DYNC1H1: variants seen among roughly 807,000 people sequenced by gnomAD.
DYNC1H1 encodes the protein dynein cytoplasmic 1 heavy chain 1, also known as cytoplasmic dynein 1 heavy chain 1.
A neutral mutation model predicts 527.1 loss-of-function variants in DYNC1H1; 51 were observed. That is an observed-to-expected ratio of 0.10 (90% CI 0.08 to 0.12). The LOEUF (loss-of-function observed/expected upper bound fraction) is 0.12. Among genes scored for constraint, DYNC1H1 ranks in the 10% least tolerant of loss-of-function variants. DYNC1H1 has a pLI of 1.00. For missense variants in DYNC1H1, 2,771 were observed against 5,971.8 expected (o/e 0.46, Z 17.66); for synonymous variants, 2,189 against 2,278.8 (o/e 0.96, Z 1.12).
chr14:102,053,086 T>G lies in DYNC1H1; in HGVS notation c.*2523T>G, dbSNP rs1224961858. 1 of 152,082 alleles carries G rather than the reference T, an allele frequency of 6.6e-6. No homozygotes were observed. Among genetic ancestry groups the G allele is most frequent in the Non-Finnish European group, 1.5e-5 (1 of 68,048 alleles). 9.4% of individuals were successfully genotyped at this position (152,082 alleles called of 1,614,324 possible). A position where few individuals can be genotyped will look rare whatever the true frequency, so the allele number is the denominator to read the frequency against. ...CATGCTCGCATGCGCTGACTCTTCC[T>G]CCCGTCACTGATGCTGGTTTTTGCA... On this transcript the variant is annotated 3_prime_UTR_variant, in exon 78 of 78. Transcript: ENST00000360184.
rs1217850239 is a variant in DYNC1H1, at chr14:101,985,714, G to A, written c.1489G>A (p.Gly497Arg). The A allele has an allele frequency of 1.2e-6, 2 of 1,614,204 alleles. No homozygotes were observed. The highest frequency in any genetic ancestry group is 8.5e-7 in the Non-Finnish European group (1 of 1,180,038). ...CACGGCAGTTGCACAACAGAATCAA[G>A]GAGAGGTCCCTGAACCCCAAGATAT... is the stretch of plus-strand genomic sequence containing the variant. ...QVTAVAQQNQ[G>R]EVPEPQDMKV... Residue 497 changes from glycine to arginine, a missense_variant, in exon 8 of 78, where the codon GGA (glycine) becomes AGA (arginine). Gly to Arg is a moderately radical substitution (Grantham distance 125). Coordinates refer to ENST00000360184, the MANE Select transcript of DYNC1H1 (RefSeq NM_001376.5). The surrounding 1 kb of genome is among the most constrained non-coding windows in gnomAD (Gnocchi z 5.9).
chr14:101,965,955 A>G lies in DYNC1H1; in HGVS notation c.256+1008A>G, dbSNP rs1374067334. On this transcript the variant is annotated intron_variant, in intron 1 of 77. Coordinates refer to ENST00000360184, the MANE Select transcript of DYNC1H1 (RefSeq NM_001376.5). This position sits in a 1 kb window ranked among gnomAD's most constrained non-coding sequence, Gnocchi z 4.1. ...CTAAGTCTGGGGCTTGCCTGCAGGC[A>G]GGCTTTCTCATGGATTCATTACAAC... 6.6e-6 allele frequency among the ~76,000 whole-genome samples: 1 copy of G among 152,160 alleles called. No individual in the cohort carries two copies. Among genetic ancestry groups the G allele is most frequent in the Non-Finnish European group, 1.5e-5 (1 of 68,024 alleles).
Position 102,018,686 on chromosome 14 carries a change from TGTG to T in DYNC1H1, c.8343+76_8343+78del. 1.3e-6 allele frequency: 2 copies of T among 1,577,704 alleles called. No individual in the cohort carries two copies. Among genetic ancestry groups the T allele is most frequent in the Non-Finnish European group, 1.7e-6 (2 of 1,164,122 alleles). ...TAATTAAGGCACTCGATTGGTCAGG[TGTG>T]GTGGTTCACACCTGTAATCCCAGCA... On this transcript the variant is annotated intron_variant, in intron 41 of 77. Coordinates refer to ENST00000360184, the MANE Select transcript of DYNC1H1 (RefSeq NM_001376.5). This position sits in a 1 kb window ranked among gnomAD's most constrained non-coding sequence, Gnocchi z 5.2.
rs1376058274 is a variant in DYNC1H1 at position 101,985,493 on chromosome 14, T to G, written c.1462-194T>G. Among the ~76,000 whole-genome samples, 1 of 151,412 alleles carries G rather than the reference T, an allele frequency of 6.6e-6. No individual in the cohort carries two copies. Among genetic ancestry groups the G allele is most frequent in the African/African-American group, 2.4e-5 (1 of 41,176 alleles). ...GCATGCACCACCATGCCTGGCAAAT[T>G]GTTTGTATTTTTAGTAGAGACTGGG... On this transcript the variant is annotated intron_variant, in intron 7 of 77. Transcript: ENST00000360184. The surrounding 1 kb of genome is among the most constrained non-coding windows in gnomAD (Gnocchi z 5.9).
Position 102,016,560 on chromosome 14 carries a change from A to G in DYNC1H1, c.7614+71A>G, listed in dbSNP as rs1401299218. The G allele has an allele frequency of 8.7e-6, 14 of 1,612,968 alleles. No individual in the cohort carries two copies. Among genetic ancestry groups the G allele is most frequent in the African/African-American group, 5.3e-5 (4 of 74,916 alleles). Reference sequence around the variant, plus strand: ...ATTTAACTCATCCTGGAACAAGCTGACCATGGACCTTGGCTTCGTCTTTTC... The same window carrying G: ...ATTTAACTCATCCTGGAACAAGCTGGCCATGGACCTTGGCTTCGTCTTTTC... On this transcript the variant is annotated intron_variant, in intron 37 of 77. Transcript: ENST00000360184. The surrounding 1 kb of genome is among the most constrained non-coding windows in gnomAD (Gnocchi z 7.3).
At position 102,039,774 on chromosome 14, in the gene DYNC1H1, T is replaced by G. The variant is rs767314824; in HGVS notation, c.11690+42T>G. On this transcript the variant is annotated intron_variant, in intron 62 of 77. Coordinates refer to ENST00000360184, the MANE Select transcript of DYNC1H1 (RefSeq NM_001376.5). The surrounding 1 kb of genome is among the most constrained non-coding windows in gnomAD (Gnocchi z 7.0). ...CCACAGGAGGATGCCATATTGCTGG[T>G]GGCCCCCAAGGGTTTCATGATCAGA... 3.7e-6 allele frequency: 6 copies of G among 1,605,208 alleles called. No homozygotes were observed. Among genetic ancestry groups the G allele is most frequent in the Non-Finnish European group, 5.1e-6 (6 of 1,172,316 alleles).
rs1223144450 is a variant in DYNC1H1 at position 102,005,162 on chromosome 14, G to A, written c.5359G>A (p.Val1787Ile). ...GCACTCTGTGCTGAGCAATGTGGAG[G>A]TCACCCTCAATGTGTTAGCAGACTC... ...PLHSVLSNVE[V>I]TLNVLADSVL... Residue 1787 changes from valine (V) to isoleucine (I), a missense_variant, in exon 26 of 78, where the codon GTC becomes ATC. Physicochemically the swap from Val to Ile is conservative, Grantham distance 29 (BLOSUM62 3). Transcript: ENST00000360184. This position sits in a 1 kb window ranked among gnomAD's most constrained non-coding sequence, Gnocchi z 4.0. The A allele has an allele frequency of 6.2e-7, 1 of 1,614,092 alleles. No homozygotes were observed. The highest frequency in any genetic ancestry group is 8.5e-7 in the Non-Finnish European group (1 of 1,180,054).
chr14:102,004,246 A>C (rs1429378141), intron 23 of DYNC1H1, among the ~76,000 whole-genome samples: 1 of 74,768 alleles, frequency 1.3e-5, no homozygotes, highest in Non-Finnish European at 2.2e-5. Context: ...TCCGTCTCAA[A>C]AATAAATAAA....
chr14:101,994,818 A>C lies in DYNC1H1; in HGVS notation c.3302A>C (p.Glu1101Ala), dbSNP rs1392403831. The change falls in exon 13 of 78, where the codon GAG becomes GCG. Residue 1101 changes from glutamate (E) to alanine (A), a missense_variant. By Grantham distance (107) the Glu-to-Ala change is moderately radical. This residue lies in a region of DYNC1H1 where 179 missense variants were observed against 349.4 expected (regional missense o/e 0.51). Transcript: ENST00000360184. ...TTTGACAATGCAGAAACCAAGAAAG[A>C]GTTTGGACCAGTAGTTATAGATTAT... ...GTFDNAETKK[E>A]FGPVVIDYGK... is the part of the protein sequence containing the mutation. The C allele has an allele frequency of 6.2e-7, 1 of 1,614,212 alleles. No individual in the cohort carries two copies. Among genetic ancestry groups the C allele is most frequent in the South Asian group, 1.1e-5 (1 of 91,090 alleles).
At position 102,022,844 on chromosome 14, in the gene DYNC1H1, G is replaced by A. The variant is rs770910961; in HGVS notation, c.8601G>A (p.Met2867Ile). The A allele has an allele frequency of 2.5e-6, 4 of 1,614,242 alleles. No individual in the cohort carries two copies. Among genetic ancestry groups the A allele is most frequent in the South Asian group, 2.2e-5 (2 of 91,086 alleles). ...HFPNIDREKA[M>I]SRPILYSNWL... ...CTAACATCGACAGAGAGAAGGCAATGAGCCGACCCATCTTGTACAGCAACT... is the reference window on the plus strand; with the variant it reads ...CTAACATCGACAGAGAGAAGGCAATAAGCCGACCCATCTTGTACAGCAACT... Residue 2867 changes from methionine to isoleucine, a missense_variant, in exon 43 of 78, where the codon ATG becomes ATA. Around this residue, in one of 32 missense-constraint regions of DYNC1H1, gnomAD observed 163 missense variants for 346.9 expected, o/e 0.47. Coordinates refer to ENST00000360184, the MANE Select transcript of DYNC1H1 (RefSeq NM_001376.5).
intron 69 of DYNC1H1, 119 bp from the exon 70 acceptor site, chr14:102,043,756 G>T (rs572328406): frequency 4.3e-6 from 6 of 1,407,766 alleles, no homozygotes; most frequent in Non-Finnish European, 5.9e-6. Flanking sequence ...ATGTGAATCT[G>T]CTGCCATCGT....
At chr14:101,971,085 C>CTTTTTTTTTTTTT in intron 1 of DYNC1H1, among the ~76,000 whole-genome samples, 1 of 64,072 alleles carries the variant, frequency 1.6e-5, no homozygotes, top group Non-Finnish European at 2.9e-5. Context: ...CCGTATCATT[C>CTTTTTTTTTTTTT]TTTTTTTTTT....
chr14:101,979,365 G>C lies in DYNC1H1; in HGVS notation c.391G>C (p.Val131Leu). 6.2e-7 allele frequency: 1 copy of C among 1,614,108 alleles called. No individual in the cohort carries two copies. The highest frequency in any genetic ancestry group is 8.5e-7 in the Non-Finnish European group (1 of 1,180,034). The change falls in exon 3 of 78, where the codon GTG (valine) becomes CTG (leucine). Residue 131 changes from valine to leucine, a missense_variant. Physicochemically the swap from Val to Leu is conservative, Grantham distance 32 (BLOSUM62 1). Around this residue, in one of 32 missense-constraint regions of DYNC1H1, gnomAD observed 146 missense variants for 288.1 expected, o/e 0.51. Coordinates refer to ENST00000360184, the MANE Select transcript of DYNC1H1 (RefSeq NM_001376.5). This position sits in a 1 kb window ranked among gnomAD's most constrained non-coding sequence, Gnocchi z 4.6. Reference protein sequence around the residue: ...RTPVIDADKPVSSQLRVLTLS... With the variant: ...RTPVIDADKPLSSQLRVLTLS... ...TCCCGTGATTGATGCAGATAAACCCGTGTCTTCTCAGCTCCGGGTCCTTAC... is the reference window on the plus strand; with the variant it reads ...TCCCGTGATTGATGCAGATAAACCCCTGTCTTCTCAGCTCCGGGTCCTTAC...
chr14:102,004,721 A>G (rs1567007902), intron 24 of DYNC1H1, 38 bp downstream of exon 24: 2 of 1,614,142 alleles, frequency 1.2e-6, no homozygotes, highest in Non-Finnish European at 8.5e-7. Flanking sequence ...CTTCTCTCAC[A>G]TTTTTGCATA....
chr14:102,038,342 A>G lies in DYNC1H1; in HGVS notation c.10909-118A>G. Reference sequence around the variant, plus strand: ...CACATAGCTAGTGGCCACCACACGCAAGTGGCGGGTGGCTTTTGGGAAGGT... The same window carrying G: ...CACATAGCTAGTGGCCACCACACGCGAGTGGCGGGTGGCTTTTGGGAAGGT... On this transcript the variant is annotated intron_variant, in intron 57 of 77. Transcript: ENST00000360184. The surrounding 1 kb of genome is among the most constrained non-coding windows in gnomAD (Gnocchi z 7.2). The G allele has an allele frequency of 6.7e-7, 1 of 1,488,630 alleles. No homozygotes were observed. The highest frequency in any genetic ancestry group is 9.1e-7 in the Non-Finnish European group (1 of 1,101,740). The allele number at this position is 1,488,630 out of a possible 1,614,324, so 92.2% of individuals were successfully genotyped here.
intron 27 of DYNC1H1, 76 bp from the exon 28 acceptor site, chr14:102,006,932 G>A: frequency 1.3e-6 from 2 of 1,514,524 alleles, no homozygotes; most frequent in Admixed American, 1.7e-5. Flanking sequence ...GTTGCTTTTT[G>A]TAGTTCTTTT....
intron 10 of DYNC1H1, among the ~76,000 whole-genome samples, chr14:101,990,915 A>AGGAGAATCGCTTGAACTCGGGAGGT (rs2047990265): frequency 6.6e-6 from 1 of 151,554 alleles, no homozygotes; most frequent in Admixed American, 6.6e-5. Flanking sequence ...AGGCTGAGAC[A>AGGAGAATCGCTTGAACTCGGGAGGT]GGAGAATCGC....
At position 102,010,571 on chromosome 14, in the gene DYNC1H1, G is replaced by A; in HGVS notation, c.6405+112G>A. On this transcript the variant is annotated intron_variant, in intron 31 of 77. Coordinates refer to ENST00000360184, the MANE Select transcript of DYNC1H1 (RefSeq NM_001376.5). The surrounding 1 kb of genome is among the most constrained non-coding windows in gnomAD (Gnocchi z 6.0). ...TCTTGCAGTTCACATGTCTTGGGAT[G>A]GCTGAAATAGACTGTAATGTTGACC... 6.6e-7 allele frequency: 1 copy of A among 1,519,680 alleles called. No homozygotes were observed. The highest frequency in any genetic ancestry group is 1.4e-5 in the African/African-American group (1 of 72,362). The allele number at this position is 1,519,680 out of a possible 1,614,324, so 94.1% of individuals were successfully genotyped here.
At chr14:101,994,102 C>A in intron 11 of DYNC1H1, 82 bp from the exon 12 acceptor site, 1 of 1,603,794 alleles carries the variant, frequency 6.2e-7, no homozygotes, top group Non-Finnish European at 8.5e-7. Flanking sequence ...TCTTTCAGTT[C>A]ATTTTAATTA....
Sources: gnomAD v4.1 joint callset for allele counts (sites outside exome capture counted in the v4.1 genomes callset) on GRCh38, gnomAD v4.1.1 for gene constraint, gnomAD v4.1.1 regional missense constraint, Gnocchi (gnomAD v3.1) non-coding constraint, MANE v1.5 for transcripts, NCBI Gene and HGNC (gene_info 2026-07-23, HGNC 2026-07-21) for gene names.